KDM3B: variants seen among roughly 807,000 people sequenced by gnomAD.
KDM3B encodes lysine demethylase 3B.
A neutral mutation model predicts 170.0 loss-of-function variants in KDM3B; 10 were observed. That is an observed-to-expected ratio of 0.06 (90% CI 0.04 to 0.10). The LOEUF (loss-of-function observed/expected upper bound fraction) is 0.10. Ranked by LOEUF, KDM3B falls within the 10% of genes least tolerant of loss-of-function variation. The pLI is 1.00. For missense variants in KDM3B, 1,394 were observed against 2,195.2 expected (o/e 0.64, Z 7.29); for synonymous variants, 831 against 834.8 (o/e 1.00, Z 0.08).
chr5:138,400,087 T>G, intron 11 of KDM3B, 75 bp downstream of exon 11: 2 of 1,501,538 alleles, frequency 1.3e-6, no homozygotes, highest in Non-Finnish European at 1.8e-6. Flanking sequence ...ATTTGAAAAT[T>G]GAGGCAGGAA....
intron 10 of KDM3B, among the ~76,000 whole-genome samples, chr5:138,398,609 C>G (rs1023721493): frequency 6.6e-6 from 1 of 152,072 alleles, no homozygotes; most frequent in African/African-American, 2.4e-5. Flanking sequence ...ACCAAATACT[C>G]CTTCTCTGCT....
intron 1 of KDM3B, among the ~76,000 whole-genome samples, chr5:138,367,989 G>A (rs545744464): frequency 1.3e-5 from 2 of 151,296 alleles, no homozygotes; most frequent in Non-Finnish European, 2.9e-5. Context: ...CTCCAGCCTG[G>A]GCAACAGAGT....
Position 138,387,043 on chromosome 5 carries a change from A to G in KDM3B, c.1380+422A>G, listed in dbSNP as rs563525979. ...GCAAGCTACCATTACCCTGTTTTCA[A>G]TTCATCATTTTCTATGATATTTTCC... On this transcript the variant is annotated intron_variant, in intron 7 of 23. Transcript: ENST00000314358. 2.8e-4 allele frequency among the ~76,000 whole-genome samples: 42 copies of G among 152,250 alleles called. 1 individual carries two copies. Among genetic ancestry groups the G allele is most frequent in the East Asian group, 1.9e-3 (10 of 5,190 alleles).
At chr5:138,369,456 C>G (rs1761821386) in intron 1 of KDM3B, among the ~76,000 whole-genome samples, 1 of 152,108 alleles carries the variant, frequency 6.6e-6, no homozygotes, top group Admixed American at 6.5e-5. Flanking sequence ...AGAACACTCC[C>G]TACTACTCCC....
At chr5:138,414,938 T>TA (rs1379859101) in intron 11 of KDM3B, among the ~76,000 whole-genome samples, 194 bp from the exon 12 acceptor site, 2 of 152,032 alleles carry the variant, frequency 1.3e-5, no homozygotes, top group Non-Finnish European at 2.9e-5. Context: ...GCATGGATGA[T>TA]AGAGCCAAAC....
intron 9 of KDM3B, among the ~76,000 whole-genome samples, chr5:138,397,097 G>A (rs192058868): frequency 1.1e-4 from 17 of 152,270 alleles, no homozygotes; most frequent in Admixed American, 4.6e-4. Context: ...TTGGGAGGCC[G>A]AGGCAGGTGG....
Position 138,420,833 on chromosome 5 carries a change from C to T in KDM3B, c.3843C>T (p.Pro1281=), listed in dbSNP as rs374452661. Residue 1281 remains proline (P), a synonymous_variant, in exon 15 of 24, where the codon CCC becomes CCT. Transcript: ENST00000314358. ...PKLFNSLLLG[P]TASNNKTEGS... ...TTTTTAACAGTCTGTTGCTGGGTCC[C>T]ACTGCCTCCAACAACAAAACCGAAG... 51 of 1,614,022 alleles carry T rather than the reference C, an allele frequency of 3.2e-5. No individual in the cohort carries two copies. Among genetic ancestry groups the T allele is most frequent in the Non-Finnish European group, 4.2e-5 (49 of 1,180,042 alleles).
chr5:138,377,871 T>C, intron 4 of KDM3B, 46 bp downstream of exon 4: 1 of 1,361,422 alleles, frequency 7.3e-7, no homozygotes, highest in Non-Finnish European at 1.1e-6. Context: ...TTCAGGTGAA[T>C]GATCACTGTT....
Position 138,429,295 on chromosome 5 carries a change from G to A in KDM3B, c.4754-531G>A, listed in dbSNP as rs1042474171. Among the ~76,000 whole-genome samples the A allele has an allele frequency of 2.6e-5, 4 of 151,648 alleles. No individual in the cohort carries two copies. In the South Asian group the frequency reaches 6.3e-4, roughly 24 times the overall value. The stretch of plus-strand genomic sequence containing the variant: ...TCGAACTCCCAATCTCAGGTGATCC[G>A]CCCACCTCAGCCTCTCAAAGTGCTG... On this transcript the variant is annotated intron_variant, in intron 20 of 23. Coordinates refer to ENST00000314358, the MANE Select transcript of KDM3B (RefSeq NM_016604.4).
At chr5:138,419,524 G>A (rs1373884179) in intron 14 of KDM3B, among the ~76,000 whole-genome samples, 4 of 150,986 alleles carry the variant, frequency 2.6e-5, no homozygotes, top group South Asian at 4.2e-4. Flanking sequence ...GCGAGGTGGC[G>A]GGTGCCTGTA....
intron 2 of KDM3B, among the ~76,000 whole-genome samples, chr5:138,374,552 C>T (rs1201081130): frequency 2.0e-5 from 3 of 152,208 alleles, no homozygotes; most frequent in Non-Finnish European, 2.9e-5. Context: ...CCACTGCGCC[C>T]GGCTTCTCAT....
chr5:138,391,860 C>T lies in KDM3B; in HGVS notation c.2228C>T (p.Ser743Phe). 1 of 1,614,176 alleles carries T rather than the reference C, an allele frequency of 6.2e-7. No homozygotes were observed. Among genetic ancestry groups the T allele is most frequent in the Non-Finnish European group, 8.5e-7 (1 of 1,180,026 alleles). ...TQPIEMPTLS[S>F]SPTEERPTVG... ...CCCATTGAGATGCCAACTCTCTCCT[C>T]TAGCCCCACAGAGGAGAGGCCAACT... The change falls in exon 8 of 24, where the codon TCT becomes TTT. Residue 743 changes from serine (S) to phenylalanine (F), a missense_variant. Around this residue, in one of 19 missense-constraint regions of KDM3B, gnomAD observed 294 missense variants for 311.7 expected, o/e 0.94. Coordinates refer to ENST00000314358, the MANE Select transcript of KDM3B (RefSeq NM_016604.4). This position sits in a 1 kb window ranked among gnomAD's most constrained non-coding sequence, Gnocchi z 5.0.
At chr5:138,389,762 TTCTC>T (rs368227371) in intron 7 of KDM3B, among the ~76,000 whole-genome samples, 17 of 138,946 alleles carry the variant, frequency 1.2e-4, no homozygotes, top group Admixed American at 3.1e-4. Flanking sequence ...TATGGGTCTC[TTCTC>T]TCTCTCTCTC....
chr5:138,352,734 C>A lies in KDM3B; in HGVS notation c.-62C>A. ...AGGGAGGCCTTGCGGGCGGATCGGG[C>A]GCTTGGCGGCGGAGGTGGTGGGAGG... is the stretch of plus-strand genomic sequence containing the variant. On this transcript the variant is annotated 5_prime_UTR_variant, in exon 1 of 24. Coordinates refer to ENST00000314358, the MANE Select transcript of KDM3B (RefSeq NM_016604.4). 1.8e-6 allele frequency: 2 copies of A among 1,111,594 alleles called. No homozygotes were observed. Among genetic ancestry groups the A allele is most frequent in the East Asian group, 4.9e-5 (1 of 20,410 alleles). The allele number at this position is 1,111,594 out of a possible 1,614,324, so 68.9% of individuals were successfully genotyped here.
intron 7 of KDM3B, among the ~76,000 whole-genome samples, chr5:138,389,014 G>A (rs1762355110): frequency 1.3e-5 from 2 of 152,188 alleles, no homozygotes; most frequent in Non-Finnish European, 2.9e-5. Flanking sequence ...TCATTCATGT[G>A]TGTATTTATT....
At chr5:138,419,642 G>C (rs1763203706) in intron 14 of KDM3B, among the ~76,000 whole-genome samples, 1 of 105,376 alleles carries the variant, frequency 9.5e-6, no homozygotes, top group Non-Finnish European at 1.8e-5. Flanking sequence ...GTAACAGCAA[G>C]ACTCTGTCTC....
intron 11 of KDM3B, among the ~76,000 whole-genome samples, chr5:138,409,362 A>G (rs1762903799): frequency 6.6e-6 from 1 of 152,222 alleles, no homozygotes; most frequent in Admixed American, 6.5e-5. Flanking sequence ...TACAAAGTCA[A>G]CATACAAAGA....
chr5:138,375,841 T>C (rs1344890991), intron 3 of KDM3B, among the ~76,000 whole-genome samples: 2 of 151,822 alleles, frequency 1.3e-5, no homozygotes, highest in African/African-American at 4.8e-5. Flanking sequence ...CACACCCAGA[T>C]AATTTTTGTA....
rs147174917 is a variant in KDM3B, at chr5:138,391,934, G to A, written c.2302G>A (p.Val768Ile). 29 of 1,612,448 alleles carry A rather than the reference G, an allele frequency of 1.8e-5. No homozygotes were observed. The highest frequency in any genetic ancestry group is 1.1e-4 in the East Asian group (5 of 44,798). ...TCCCCTCCTCAAAACCTTTAGTAAC[G>A]TCTTTGGCAGGCACTCAGGCGGCTT... ...DNPLLKTFSN[V>I]FGRHSGGFLS... The change falls in exon 8 of 24, where the codon GTC (valine) becomes ATC (isoleucine). Residue 768 changes from valine to isoleucine, a missense_variant. Around this residue, in one of 19 missense-constraint regions of KDM3B, gnomAD observed 84 missense variants for 135.8 expected, o/e 0.62. Transcript: ENST00000314358. The surrounding 1 kb of genome is among the most constrained non-coding windows in gnomAD (Gnocchi z 5.0).
Sources: allele counts gnomAD v4.1 joint callset (sites outside exome capture counted in the v4.1 genomes callset), GRCh38; gene constraint gnomAD v4.1.1; regional missense constraint gnomAD v4.1.1; non-coding constraint Gnocchi (gnomAD v3.1); transcripts MANE v1.5; gene names NCBI Gene and HGNC (gene_info 2026-07-23, HGNC 2026-07-21).